Variants in PTPRE observed in about 807,000 individuals in gnomAD.
PTPRE encodes receptor-type tyrosine-protein phosphatase epsilon.
PTPRE carries 51 observed loss-of-function variants against 102.0 expected under a neutral mutation model. The ratio of observed to expected loss-of-function variants is 0.50; its 90% CI spans 0.40 to 0.63. PTPRE has a LOEUF of 0.63. Among genes scored for constraint, PTPRE ranks in the 30% least tolerant of loss-of-function variants. The pLI is 0.00. For synonymous variants in PTPRE, 345 were observed against 348.2 expected (o/e 0.99, Z 0.10); for missense variants, 752 against 915.1 (o/e 0.82, Z 2.30).
chr10:127,932,035 G>A (rs1231602070), intron 1 of PTPRE, among the ~76,000 whole-genome samples: 5 of 152,036 alleles, frequency 3.3e-5, no homozygotes, highest in East Asian at 3.8e-4. Context: ...AATGGTTAAC[G>A]TTTCTTGGAA....
rs1845588660 is a variant in PTPRE, at chr10:127,907,797, C to G, written c.-31+488C>G. On this transcript the variant is annotated intron_variant, in intron 1 of 20. Transcript: ENST00000254667. This position sits in a 1 kb window ranked among gnomAD's most constrained non-coding sequence, Gnocchi z 4.8. The stretch of plus-strand genomic sequence containing the variant: ...GAGGGGCCGGCGCTCTGCCAGGATG[C>G]TGCCCCGCAGCCGGGCGGGCGCCCG... Among the ~76,000 whole-genome samples the G allele has an allele frequency of 6.6e-6, 1 of 152,186 alleles. No individual in the cohort carries two copies. Among genetic ancestry groups the G allele is most frequent in the South Asian group, 2.1e-4 (1 of 4,836 alleles).
chr10:128,028,881 GC>G lies in PTPRE; in HGVS notation c.-7-11993del, dbSNP rs1260691926. 6.6e-6 allele frequency among the ~76,000 whole-genome samples: 1 copy of G among 152,132 alleles called. No homozygotes were observed. ...CAGACGTCTGGCCCTCGTCCCGAAT[GC>G]TGTCCCCTCTGGCCTCAGCTGTCCT... is the stretch of plus-strand genomic sequence containing the variant. On this transcript the variant is annotated intron_variant, in intron 2 of 20. Coordinates refer to ENST00000254667, the MANE Select transcript of PTPRE (RefSeq NM_006504.6). This position sits in a 1 kb window ranked among gnomAD's most constrained non-coding sequence, Gnocchi z 4.5.
At chr10:127,963,954 AAGG>A (rs1850041470) in intron 1 of PTPRE, among the ~76,000 whole-genome samples, 2 of 152,122 alleles carry the variant, frequency 1.3e-5, no homozygotes, top group Admixed American at 6.6e-5. Flanking sequence ...CTTCATGGAG[AAGG>A]AGTTCAGTTT....
intron 18 of PTPRE, among the ~76,000 whole-genome samples, chr10:128,077,238 T>C (rs1539599): frequency 0.81 from 123,104 of 152,214 alleles, 50,252 homozygotes; most frequent in African/African-American, 0.93. Flanking sequence ...AGAGCCACCC[T>C]GGCCACCAGA....
At chr10:127,965,026 C>CT (rs1346332585) in intron 1 of PTPRE, 3 of 456,404 alleles carry the variant, frequency 6.6e-6, no homozygotes, top group African/African-American at 6.0e-5. Flanking sequence ...TTTTAAGCAT[C>CT]TTTTTTCCTA....
intron 1 of PTPRE, among the ~76,000 whole-genome samples, chr10:127,972,006 G>C (rs1016055023): frequency 4.6e-5 from 7 of 152,188 alleles, no homozygotes; most frequent in Non-Finnish European, 1.5e-5. Flanking sequence ...CAATTTGCTC[G>C]TGACTCTTAG....
rs557431295 is a variant in PTPRE at position 128,022,838 on chromosome 10, C to T, written c.-7-18037C>T. ...CCTGTGAACAAGGGCCAGGAGATGACGGTCGATTGGAAAGAAACCGCCATC... is the reference window on the plus strand; with the variant it reads ...CCTGTGAACAAGGGCCAGGAGATGATGGTCGATTGGAAAGAAACCGCCATC... On this transcript the variant is annotated intron_variant, in intron 2 of 20. Coordinates refer to ENST00000254667, the MANE Select transcript of PTPRE (RefSeq NM_006504.6). Among the ~76,000 whole-genome samples the T allele has an allele frequency of 4.1e-4, 62 of 152,310 alleles. 1 individual carries two copies. Among genetic ancestry groups the T allele is most frequent in the Admixed American group, 2.1e-3 (32 of 15,308 alleles).
At chr10:127,995,021 G>A (rs1463758203) in intron 2 of PTPRE, among the ~76,000 whole-genome samples, 1 of 152,150 alleles carries the variant, frequency 6.6e-6, no homozygotes, top group Non-Finnish European at 1.5e-5. Flanking sequence ...CTAAGGTGAG[G>A]GCTTCCGGGT....
chr10:127,915,442 C>G (rs1329932163), intron 1 of PTPRE, among the ~76,000 whole-genome samples: 1 of 152,242 alleles, frequency 6.6e-6, no homozygotes, highest in Non-Finnish European at 1.5e-5. Flanking sequence ...TAAGCGCTCT[C>G]TTTTCCTAAG....
chr10:127,985,206 CCTT>C (rs1851980709), intron 2 of PTPRE, among the ~76,000 whole-genome samples: 1 of 152,218 alleles, frequency 6.6e-6, no homozygotes, highest in Non-Finnish European at 1.5e-5. Flanking sequence ...CCTGTGCAAG[CCTT>C]CTTTTCTCTC....
chr10:128,041,138 A>T, intron 3 of PTPRE, 148 bp downstream of exon 3: 1 of 715,160 alleles, frequency 1.4e-6, no homozygotes, highest in Non-Finnish European at 2.4e-6. Flanking sequence ...GCCTCTAAAA[A>T]CAGGCAGGCT....
intron 19 of PTPRE, among the ~76,000 whole-genome samples, chr10:128,078,825 T>G (rs1322879421): frequency 1.3e-5 from 2 of 152,212 alleles, no homozygotes; most frequent in Non-Finnish European, 2.9e-5. Context: ...GGGCCGATCA[T>G]TGCGGCAGGA....
chr10:127,982,516 G>A (rs1851722361), intron 2 of PTPRE, among the ~76,000 whole-genome samples: 1 of 148,058 alleles, frequency 6.8e-6, no homozygotes, highest in Admixed American at 6.8e-5. Flanking sequence ...GTGTGTGTGT[G>A]TGTGTGTGTG....
chr10:127,931,488 T>C (rs1847439052), intron 1 of PTPRE, among the ~76,000 whole-genome samples: 1 of 152,250 alleles, frequency 6.6e-6, no homozygotes, highest in South Asian at 2.1e-4. Flanking sequence ...AGCTGGCCTG[T>C]GATAGAATAT....
At chr10:127,986,887 T>G (rs895998216) in intron 2 of PTPRE, among the ~76,000 whole-genome samples, 4 of 152,170 alleles carry the variant, frequency 2.6e-5, no homozygotes, top group Non-Finnish European at 4.4e-5. Flanking sequence ...AGAGCACATA[T>G]AAAATTAAAA....
chr10:128,053,470 C>G (rs938079742), intron 6 of PTPRE, among the ~76,000 whole-genome samples: 32 of 152,192 alleles, frequency 2.1e-4, no homozygotes, highest in African/African-American at 7.7e-4. Flanking sequence ...CTGAGCAGCT[C>G]AGAGATTTGA....
At position 128,077,720 on chromosome 10, in the gene PTPRE, T is replaced by C. The variant is rs1240551050; in HGVS notation, c.1829T>C (p.Leu610Pro). ...IPAEGKGMID[L>P]IAAVQKQQQQ... is the part of the protein sequence containing the mutation. ...GCCGAGGGCAAAGGCATGATTGACC[T>C]CATCGCAGCCGTGCAGAAGCAGCAG... Residue 610 changes from leucine (L) to proline (P), a missense_variant, in exon 19 of 21, where the codon CTC (leucine) becomes CCC (proline). Coordinates refer to ENST00000254667, the MANE Select transcript of PTPRE (RefSeq NM_006504.6). 6.2e-7 allele frequency: 1 copy of C among 1,613,012 alleles called. No homozygotes were observed. The highest frequency in any genetic ancestry group is 8.5e-7 in the Non-Finnish European group (1 of 1,179,108).
At chr10:127,936,450 A>G (rs1388492257) in intron 1 of PTPRE, among the ~76,000 whole-genome samples, 1 of 152,176 alleles carries the variant, frequency 6.6e-6, no homozygotes, top group Non-Finnish European at 1.5e-5. Flanking sequence ...TGTATTTTCT[A>G]TGTCTGGGCT....
At chr10:127,986,589 G>A (rs931298944) in intron 2 of PTPRE, among the ~76,000 whole-genome samples, 9 of 152,156 alleles carry the variant, frequency 5.9e-5, no homozygotes, top group South Asian at 2.1e-4. Context: ...CCCTTCACTC[G>A]CTTGTTCTTC....
Sources: gnomAD v4.1 joint callset for allele counts (sites outside exome capture counted in the v4.1 genomes callset) on GRCh38, gnomAD v4.1.1 for gene constraint, Gnocchi (gnomAD v3.1) non-coding constraint, MANE v1.5 for transcripts, NCBI Gene and HGNC (gene_info 2026-07-23, HGNC 2026-07-21) for gene names.